Variants in KHDRBS2 observed in about 807,000 individuals in gnomAD.
KHDRBS2 encodes the protein KH RNA binding domain containing, signal transduction associated 2, also known as KH domain-containing, RNA-binding, signal transduction-associated protein 2.
Under a neutral mutation model 44.3 loss-of-function variants are expected in KHDRBS2, and 26 were observed. The observed-to-expected ratio is 0.59, with a 90% confidence interval of 0.43 to 0.81. KHDRBS2 has a LOEUF of 0.81. KHDRBS2 is among the 40% of genes least tolerant of loss of function. The pLI is 0.00. For synonymous variants in KHDRBS2, 194 were observed against 151.1 expected (o/e 1.28, Z -2.08); for missense variants, 476 against 433.1 (o/e 1.10, Z -0.88).
At chr6:61,867,999 G>A (rs895364007) in intron 6 of KHDRBS2, among the ~76,000 whole-genome samples, 10 of 152,172 alleles carry the variant, frequency 6.6e-5, no homozygotes, top group Admixed American at 4.6e-4. Context: ...TATGTTGGGG[G>A]ATCCCTTCAG....
At chr6:61,603,313 A>G in the KHDRBS2 span, among the ~76,000 whole-genome samples, 2 of 150,732 alleles carry the variant, frequency 1.3e-5, no homozygotes, top group Non-Finnish European at 3.0e-5. Flanking sequence ...TACCCTCAAT[A>G]CCTCCCTCCA....
intron 3 of KHDRBS2, among the ~76,000 whole-genome samples, chr6:61,982,393 C>T (rs1295266677): frequency 1.3e-5 from 2 of 151,932 alleles, no homozygotes; most frequent in African/African-American, 2.4e-5. Context: ...GAAAAGGGGC[C>T]GGGCGCGGTG....
chr6:61,911,400 A>G (rs1806024531), intron 4 of KHDRBS2, among the ~76,000 whole-genome samples: 1 of 152,156 alleles, frequency 6.6e-6, no homozygotes, highest in South Asian at 2.1e-4. Flanking sequence ...CATGTAGATG[A>G]CTAGATCCCT....
intron 6 of KHDRBS2, among the ~76,000 whole-genome samples, chr6:61,884,606 G>A (rs1237071096): frequency 2.6e-5 from 4 of 151,990 alleles, no homozygotes; most frequent in African/African-American, 9.7e-5. Context: ...TGTTGTCAGC[G>A]TGTCTCCACA....
At chr6:62,148,866 A>T (rs1477392933) in intron 2 of KHDRBS2, among the ~76,000 whole-genome samples, 1 of 152,114 alleles carries the variant, frequency 6.6e-6, no homozygotes, top group Non-Finnish European at 1.5e-5. Context: ...GTAAAAATTC[A>T]GATTCACTGA....
chr6:62,070,789 G>T (rs771697916), intron 2 of KHDRBS2, among the ~76,000 whole-genome samples: 2 of 152,020 alleles, frequency 1.3e-5, no homozygotes, highest in Admixed American at 6.6e-5. Flanking sequence ...GAATAGTCTC[G>T]CAATAAACAT....
chr6:61,966,329 T>C (rs1769930744), intron 4 of KHDRBS2, among the ~76,000 whole-genome samples: 2 of 152,142 alleles, frequency 1.3e-5, no homozygotes, highest in South Asian at 4.1e-4. Context: ...GATCATATAA[T>C]TTTCTAATAT....
At chr6:62,269,569 A>C (rs1418257118) in intron 1 of KHDRBS2, among the ~76,000 whole-genome samples, 1 of 152,136 alleles carries the variant, frequency 6.6e-6, no homozygotes. Context: ...GCTGTTGTTA[A>C]AAAGACTGAG....
At chr6:62,004,224 T>G (rs556074674) in intron 3 of KHDRBS2, among the ~76,000 whole-genome samples, 1 of 152,260 alleles carries the variant, frequency 6.6e-6, no homozygotes, top group East Asian at 1.9e-4. Context: ...AGCTGTTTCT[T>G]TTTTGAAAAG....
intron 1 of KHDRBS2, among the ~76,000 whole-genome samples, chr6:62,213,327 G>A (rs1296602707): frequency 1.3e-5 from 2 of 151,988 alleles, no homozygotes; most frequent in Non-Finnish European, 2.9e-5. Context: ...GATTGAGGTT[G>A]CAGTTGCATA....
chr6:61,600,812 C>T, the KHDRBS2 span, among the ~76,000 whole-genome samples: 6 of 152,154 alleles, frequency 3.9e-5, no homozygotes, highest in African/African-American at 1.2e-4. Flanking sequence ...CTTCTCCAAC[C>T]TCTCTCACTA....
intron 2 of KHDRBS2, among the ~76,000 whole-genome samples, chr6:62,054,826 T>C (rs115524089): frequency 6.6e-5 from 10 of 152,134 alleles, no homozygotes; most frequent in East Asian, 5.8e-4. Context: ...AACTGTAAAA[T>C]AATGAATTTG....
At chr6:61,562,995 A>G in the KHDRBS2 span, among the ~76,000 whole-genome samples, 1 of 152,110 alleles carries the variant, frequency 6.6e-6, no homozygotes, top group African/African-American at 2.4e-5. Flanking sequence ...CCTGTGCAGA[A>G]CATACTGGCT....
intron 1 of KHDRBS2, among the ~76,000 whole-genome samples, chr6:62,199,297 T>A (rs925028562): frequency 6.6e-6 from 1 of 152,142 alleles, no homozygotes; most frequent in African/African-American, 2.4e-5. Flanking sequence ...GAAGTCAAAT[T>A]GTCCCTGTTT....
Position 62,011,864 on chromosome 6 carries a change from G to A in KHDRBS2, c.337-33652C>T, listed in dbSNP as rs1780357378. Among the ~76,000 whole-genome samples the A allele has an allele frequency of 2.0e-5, 3 of 152,092 alleles. No individual in the cohort carries two copies. In the South Asian group the frequency reaches 6.2e-4, roughly 32 times the overall value. On this transcript the variant is annotated intron_variant, in intron 3 of 8. Coordinates refer to ENST00000281156, the MANE Select transcript of KHDRBS2 (RefSeq NM_152688.4). ...ATAAATTTTCTCAAATGTACTATAG[G>A]AAAACAAGTTCAACAAACAGGTTAA...
At chr6:61,628,210 CTTTTTTTT>C in the KHDRBS2 span, among the ~76,000 whole-genome samples, 1 of 82,312 alleles carries the variant, frequency 1.2e-5, no homozygotes, top group African/African-American at 5.5e-5. Context: ...CATGTGTAGC[CTTTTTTTT>C]TTTTTTTTTT....
intron 4 of KHDRBS2, among the ~76,000 whole-genome samples, chr6:61,908,608 T>G (rs992333113): frequency 7.1e-6 from 1 of 140,484 alleles, no homozygotes; most frequent in Non-Finnish European, 1.5e-5. Flanking sequence ...CAGTCTGGCC[T>G]GGGCAAAAGA....
At chr6:62,204,230 T>C (rs901329776) in intron 1 of KHDRBS2, among the ~76,000 whole-genome samples, 3 of 152,200 alleles carry the variant, frequency 2.0e-5, no homozygotes, top group Admixed American at 1.3e-4. Context: ...ATAAAATTAT[T>C]GGAAACTTAC....
At chr6:61,688,339 A>T (rs1767036836) in intron 8 of KHDRBS2, among the ~76,000 whole-genome samples, 1 of 151,956 alleles carries the variant, frequency 6.6e-6, no homozygotes, top group Non-Finnish European at 1.5e-5. Context: ...ACTAAAGTCT[A>T]AAACGTACTT....
Sources: allele counts gnomAD v4.1 joint callset (sites outside exome capture counted in the v4.1 genomes callset), GRCh38; gene constraint gnomAD v4.1.1; transcripts MANE v1.5; gene names NCBI Gene and HGNC (gene_info 2026-07-23, HGNC 2026-07-21).